The following NDUFS4 variants were observed in gnomAD, a reference collection of about 807,000 sequenced individuals.
The protein encoded by NDUFS4 is NADH dehydrogenase [ubiquinone] iron-sulfur protein 4, mitochondrial.
In NDUFS4, 28 loss-of-function variants were observed where a neutral mutation model predicts 24.3. The observed-to-expected ratio is 1.15, with a 90% CI of 0.85 to 1.58. NDUFS4 has a LOEUF of 1.58. Ranked by LOEUF, NDUFS4 falls within the 40% of genes most tolerant of loss-of-function variation. The probability of loss-of-function intolerance (pLI) is 0.00; values close to 1 mark genes in which losing one functional copy is unlikely to be tolerated. For missense variants in NDUFS4, 223 were observed against 207.9 expected, an observed-to-expected ratio of 1.07 and a Z score of -0.45; for synonymous variants, 93 against 69.7, an observed-to-expected ratio of 1.34 and a Z score of -1.67.
At chr5:53,658,669 G>T (rs1752233193) in intron 4 of NDUFS4, 45 bp downstream of exon 4, 1 of 1,499,682 alleles carries the variant, frequency 6.7e-7, no homozygotes, top group South Asian at 1.1e-5. Context: ...ATGATTTTAT[G>T]TTCTTAACCT....
chr5:53,629,898 G>A (rs971315575), intron 2 of NDUFS4, among the ~76,000 whole-genome samples: 1 of 152,126 alleles, frequency 6.6e-6, no homozygotes, highest in Non-Finnish European at 1.5e-5. Flanking sequence ...ATATTGTTAT[G>A]TGTGAATTTG....
At chr5:53,603,134 G>A (rs957465353) in intron 1 of NDUFS4, among the ~76,000 whole-genome samples, 1 of 152,056 alleles carries the variant, frequency 6.6e-6, no homozygotes, top group African/African-American at 2.4e-5. Context: ...GTTTCTGGCT[G>A]GTCGTGACAA....
chr5:53,650,613 T>C (rs1751989117), intron 3 of NDUFS4, among the ~76,000 whole-genome samples: 1 of 152,234 alleles, frequency 6.6e-6, no homozygotes, highest in South Asian at 2.1e-4. Flanking sequence ...CCTTCTGTTA[T>C]AGGGTAGACA....
intron 1 of NDUFS4, among the ~76,000 whole-genome samples, chr5:53,569,593 T>C (rs1440448749): frequency 6.6e-6 from 1 of 152,274 alleles, no homozygotes. Flanking sequence ...TGAGGAAGTT[T>C]GGTGACTTTC....
chr5:53,580,753 TTC>T (rs149720824), intron 1 of NDUFS4, among the ~76,000 whole-genome samples: 9 of 150,356 alleles, frequency 6.0e-5, no homozygotes, highest in South Asian at 2.1e-4. Flanking sequence ...TTTCCTTCCT[TTC>T]TCTTTCTTTC....
At chr5:53,662,674 C>A (rs1180347172) in intron 4 of NDUFS4, among the ~76,000 whole-genome samples, 1 of 152,036 alleles carries the variant, frequency 6.6e-6, no homozygotes, top group Non-Finnish European at 1.5e-5. Context: ...AATTTCAGAG[C>A]CTGTTATTGG....
chr5:53,646,147 G>A, intron 2 of NDUFS4, 86 bp from the exon 3 acceptor site: 2 of 1,086,412 alleles, frequency 1.8e-6, no homozygotes, highest in Admixed American at 4.0e-5. Context: ...TCTGAATAGA[G>A]TTGCATGAAT....
At chr5:53,599,875 A>T (rs1481584274) in intron 1 of NDUFS4, among the ~76,000 whole-genome samples, 1 of 151,860 alleles carries the variant, frequency 6.6e-6, no homozygotes, top group Non-Finnish European at 1.5e-5. Context: ...TCCATCTACC[A>T]TTTCACTGAT....
chr5:53,603,650 T>C, intron 2 of NDUFS4, 120 bp downstream of exon 2: 1 of 735,378 alleles, frequency 1.4e-6, no homozygotes, highest in Non-Finnish European at 2.3e-6. Context: ...ATTTCTAGAT[T>C]ATACCTAAAT....
At chr5:53,573,454 C>A (rs942251163) in intron 1 of NDUFS4, among the ~76,000 whole-genome samples, 2 of 152,136 alleles carry the variant, frequency 1.3e-5, no homozygotes, top group Non-Finnish European at 2.9e-5. Flanking sequence ...CATGGTATGT[C>A]TCTTTATTTA....
chr5:53,561,197 GT>G (rs1376397486), intron 1 of NDUFS4, among the ~76,000 whole-genome samples: 1 of 152,114 alleles, frequency 6.6e-6, no homozygotes, highest in Non-Finnish European at 1.5e-5. Flanking sequence ...GTTTTAAGTG[GT>G]TTTAATTTGG....
Position 53,586,024 on chromosome 5 carries a change from T to G in NDUFS4, c.99-17428T>G, listed in dbSNP as rs1228929677. Among the ~76,000 whole-genome samples, 7 of 152,056 alleles carry G rather than the reference T, an allele frequency of 4.6e-5. 1 individual carries two copies. The highest frequency in any genetic ancestry group is 4.6e-4 in the Admixed American group (7 of 15,242). On this transcript the variant is annotated intron_variant, in intron 1 of 4. Transcript: ENST00000296684. ...GACTAGTATAGAATATTTTCAGTTT[T>G]TCTTTTATTAACAAATAATATCGGC...
intron 4 of NDUFS4, 112 bp downstream of exon 4, chr5:53,658,736 A>G (rs973627060): frequency 2.6e-6 from 2 of 779,892 alleles, no homozygotes; most frequent in South Asian, 1.5e-5. Flanking sequence ...GTTTCATTGT[A>G]TCTAATCCAG....
intron 1 of NDUFS4, among the ~76,000 whole-genome samples, chr5:53,569,600 T>A (rs1010402278): frequency 3.9e-5 from 6 of 152,152 alleles, no homozygotes; most frequent in Non-Finnish European, 8.8e-5. Context: ...GTTTGGTGAC[T>A]TTCTGATAAC....
At chr5:53,648,718 T>C (rs1270636715) in intron 3 of NDUFS4, among the ~76,000 whole-genome samples, 3 of 152,146 alleles carry the variant, frequency 2.0e-5, no homozygotes, top group Non-Finnish European at 2.9e-5. Context: ...TAGTTAATAA[T>C]GGCAATACTA....
intron 4 of NDUFS4, among the ~76,000 whole-genome samples, chr5:53,667,483 C>T (rs1313189326): frequency 3.3e-5 from 2 of 60,746 alleles, no homozygotes; most frequent in Non-Finnish European, 6.3e-5. Flanking sequence ...AAAACTCTGT[C>T]TCCAAAAAAA....
intron 2 of NDUFS4, among the ~76,000 whole-genome samples, chr5:53,638,039 A>C (rs1751608120): frequency 6.6e-6 from 1 of 152,176 alleles, no homozygotes; most frequent in African/African-American, 2.4e-5. Flanking sequence ...TTGGCAAGGA[A>C]GTTCGGCAGT....
chr5:53,562,137 G>A (rs993131693), intron 1 of NDUFS4, among the ~76,000 whole-genome samples: 1 of 152,024 alleles, frequency 6.6e-6, no homozygotes, highest in Non-Finnish European at 1.5e-5. Context: ...CTGACTAGCT[G>A]GGATTACAGG....
intron 2 of NDUFS4, among the ~76,000 whole-genome samples, chr5:53,624,991 G>T (rs1187030448): frequency 6.6e-6 from 1 of 151,936 alleles, no homozygotes; most frequent in Non-Finnish European, 1.5e-5. Context: ...TTGAGATAGG[G>T]TCTCTGTGCA....
Sources: allele counts gnomAD v4.1 joint callset (sites outside exome capture counted in the v4.1 genomes callset), GRCh38; gene constraint gnomAD v4.1.1; transcripts MANE v1.5; gene names NCBI Gene and HGNC (gene_info 2026-07-23, HGNC 2026-07-21).